HDHD5: variants seen among roughly 807,000 people sequenced by gnomAD.
HDHD5 encodes the protein haloacid dehalogenase-like hydrolase domain-containing 5.
In HDHD5, 34 loss-of-function variants were observed where a neutral mutation model predicts 35.5. That is an observed-to-expected ratio of 0.96 (90% CI 0.73 to 1.28). HDHD5 has a LOEUF of 1.28. Ranked by LOEUF, HDHD5 falls within the 50% of genes most tolerant of loss-of-function variation. The pLI is 0.00. For synonymous variants in HDHD5, 248 were observed against 240.6 expected (o/e 1.03, Z -0.29); for missense variants, 589 against 560.2 (o/e 1.05, Z -0.52).
chr22:17,140,995 G>A (rs1210393933), intron 6 of HDHD5, 64 bp downstream of exon 6: 2 of 1,442,154 alleles, frequency 1.4e-6, no homozygotes, highest in Admixed American at 5.1e-5. Flanking sequence ...ACTGCCTGCA[G>A]GACTGCCCAG....
intron 1 of HDHD5, among the ~76,000 whole-genome samples, chr22:17,156,867 C>A (rs2061798590): frequency 1.3e-5 from 2 of 151,052 alleles, no homozygotes; most frequent in South Asian, 4.2e-4. Context: ...ATCATGAGGT[C>A]AGGAGTTCGA....
chr22:17,138,775 G>A, intron 6 of HDHD5, 37 bp from the exon 7 acceptor site: 1 of 1,611,302 alleles, frequency 6.2e-7, no homozygotes, highest in Non-Finnish European at 8.5e-7. Context: ...CAGTCTTCCT[G>A]ATCTCCAGGC....
At chr22:17,155,252 G>A (rs1007747449) in intron 1 of HDHD5, among the ~76,000 whole-genome samples, 1 of 120,096 alleles carries the variant, frequency 8.3e-6, no homozygotes, top group Non-Finnish European at 1.8e-5. Flanking sequence ...TTTTTTGTTT[G>A]GTTGGTTTTT....
chr22:17,145,291 G>A, intron 3 of HDHD5, 174 bp from the exon 4 acceptor site: 5 of 637,632 alleles, frequency 7.8e-6, no homozygotes, highest in East Asian at 1.4e-4. Context: ...CAGGCAGGCT[G>A]TAACTGCACA....
At chr22:17,159,518 C>CGGT (rs2123883294), upstream of HDHD5, 1 of 468,022 alleles carries the variant, frequency 2.1e-6, no homozygotes, top group South Asian at 1.6e-5. Flanking sequence ...TGGGCGGCGG[C>CGGT]GTCCGTACTA....
At chr22:17,145,701 C>G (rs746518524) in intron 3 of HDHD5, among the ~76,000 whole-genome samples, 1 of 151,358 alleles carries the variant, frequency 6.6e-6, no homozygotes, top group Non-Finnish European at 1.5e-5. Context: ...CAAAAAAAAA[C>G]AAAAAACTCT....
rs1460967402 is a variant in HDHD5 at position 17,146,348 on chromosome 22, C to A, written c.444-1231G>T. 6.7e-4 allele frequency among the ~76,000 whole-genome samples: 101 copies of A among 151,504 alleles called. 1 individual carries two copies. Among genetic ancestry groups the A allele is most frequent in the Non-Finnish European group, 1.3e-4 (9 of 67,868 alleles). ...GCCTTCAATCACATGCCATCGCACA[C>A]GCTCCACACCTGTGACGCCCTCCTG... On this transcript the variant is annotated intron_variant, in intron 3 of 7. Transcript: ENST00000336737.
chr22:17,153,581 T>C (rs1397803874), intron 1 of HDHD5, among the ~76,000 whole-genome samples: 4 of 152,192 alleles, frequency 2.6e-5, no homozygotes, highest in Non-Finnish European at 5.9e-5. Context: ...GATTTCAGGA[T>C]GGCCATAAAT....
chr22:17,140,977 G>A (rs745918977), intron 6 of HDHD5, 82 bp downstream of exon 6: 39 of 1,324,646 alleles, frequency 2.9e-5, no homozygotes, highest in African/African-American at 6.1e-5. Flanking sequence ...GTGTCAGGAC[G>A]GATGGGAACT....
intron 5 of HDHD5, chr22:17,142,825 G>A: frequency 2.7e-6 from 1 of 376,996 alleles, no homozygotes; most frequent in Non-Finnish European, 4.7e-6. Context: ...TAAAAGTTGA[G>A]AAACACTAGA....
At chr22:17,165,127 A>G (rs2061884001) in intron 1 of HDHD5, 1 of 725,584 alleles carries the variant, frequency 1.4e-6, no homozygotes, top group Non-Finnish European at 2.6e-6. Flanking sequence ...ATTTCCTACT[A>G]GTCATGTTTC....
At chr22:17,153,916 C>T (rs1469913577) in intron 1 of HDHD5, among the ~76,000 whole-genome samples, 4 of 152,124 alleles carry the variant, frequency 2.6e-5, no homozygotes, top group South Asian at 4.1e-4. Context: ...TTTTTTGTGG[C>T]GTGATCTTGG....
chr22:17,143,535 G>A (rs35284073), intron 4 of HDHD5: 34,867 of 170,464 alleles, frequency 0.2, 3,767 homozygotes, highest in Middle Eastern at 0.32. Context: ...AGCTTCACTC[G>A]ACCAGCCTCG....
chr22:17,149,896 A>G (rs2061707467), intron 1 of HDHD5, 151 bp from the exon 2 acceptor site: 1 of 613,708 alleles, frequency 1.6e-6, no homozygotes, highest in Non-Finnish European at 2.8e-6. Context: ...CTGATAGGGC[A>G]ATCTTTAAAT....
At position 17,164,749 on chromosome 22, in the gene HDHD5, C is replaced by T. The variant is rs551308055; in HGVS notation, c.36+460G>A. Among the ~76,000 whole-genome samples, 13 of 152,330 alleles carry T rather than the reference C, an allele frequency of 8.5e-5. No individual in the cohort carries two copies. In the South Asian group the frequency reaches 2.3e-3, roughly 27 times the overall value. The stretch of plus-strand genomic sequence containing the variant: ...AGCAAAGAAGGCTAGAAAATATAGC[C>T]TTATGACTGGCTAAAAGTCATGGTT... On this transcript the variant is annotated intron_variant, in intron 1 of 7. Transcript: ENST00000155674.
Position 17,138,284 on chromosome 22 carries a change from C to A in HDHD5, c.1009G>T (p.Ala337Ser), listed in dbSNP as rs1449337563. 1 of 1,614,182 alleles carries A rather than the reference C, an allele frequency of 6.2e-7. No homozygotes were observed. Among genetic ancestry groups the A allele is most frequent in the South Asian group, 1.1e-5 (1 of 91,078 alleles). The change falls in exon 8 of 8, where the codon GCG becomes TCG. Residue 337 changes from alanine (A) to serine (S), a missense_variant. Coordinates refer to ENST00000336737, the MANE Select transcript of HDHD5 (RefSeq NM_033070.3). ...QYLQKATHDG[A>S]PELGAGGTRQ... Reference sequence around the variant, plus strand: ...GTGCCCCCGGCCCCTAGTTCTGGCGCCCCATCATGCGTTGCCTTCTGCAGG... The same window carrying A: ...GTGCCCCCGGCCCCTAGTTCTGGCGACCCATCATGCGTTGCCTTCTGCAGG...
chr22:17,149,631 G>A lies in HDHD5; in HGVS notation c.241C>T (p.Leu81=). 1 of 1,613,614 alleles carries A rather than the reference G, an allele frequency of 6.2e-7. No homozygotes were observed. The highest frequency in any genetic ancestry group is 8.5e-7 in the Non-Finnish European group (1 of 1,180,026). ...GTAACAAAAACCACGGGCACCCGCA[G>A]CTGCCCCTGGGAGTTCACCAGCCTT... ...FRRLVNSQGQ[L]RVPVVFVTNA... The change falls in exon 2 of 8, where the codon CTG becomes TTG. Residue 81 remains leucine (L), a synonymous_variant. Transcript: ENST00000336737.
chr22:17,141,419 A>C, intron 5 of HDHD5, 186 bp from the exon 6 acceptor site: 1 of 1,365,402 alleles, frequency 7.3e-7, no homozygotes, highest in Non-Finnish European at 9.4e-7. Flanking sequence ...CACAAGGCCC[A>C]GGGCCCAGGA....
At chr22:17,157,114 A>ACACACACACACG (rs1555881519) in intron 1 of HDHD5, among the ~76,000 whole-genome samples, 1 of 148,218 alleles carries the variant, frequency 6.7e-6, no homozygotes, top group Non-Finnish European at 1.5e-5. Flanking sequence ...ACACACACAC[A>ACACACACACACG]AAAGAAAAAA....
Sources: gnomAD v4.1 joint callset for allele counts (sites outside exome capture counted in the v4.1 genomes callset) on GRCh38, gnomAD v4.1.1 for gene constraint, MANE v1.5 for transcripts, NCBI Gene and HGNC (gene_info 2026-07-23, HGNC 2026-07-21) for gene names.